KCNJ3: variants seen among roughly 807,000 people sequenced by gnomAD.
The protein encoded by KCNJ3 is potassium inwardly rectifying channel subfamily J member 3, also known as G protein-activated inward rectifier potassium channel 1.
Under a neutral mutation model 39.2 loss-of-function variants are expected in KCNJ3, and 4 were observed. The observed-to-expected ratio is 0.10, with a 90% CI of 0.05 to 0.23. KCNJ3 has a LOEUF of 0.23. Ranked by LOEUF, KCNJ3 falls within the 10% of genes least tolerant of loss-of-function variation. The pLI, the probability that KCNJ3 is intolerant of heterozygous loss-of-function variation, is 1.00. For synonymous variants in KCNJ3, 230 were observed against 237.4 expected (o/e 0.97, Z 0.29); for missense variants, 276 against 634.9 (o/e 0.43, Z 6.08).
chr2:154,786,754 G>GA (rs900102969), intron 2 of KCNJ3, among the ~76,000 whole-genome samples: 11 of 151,726 alleles, frequency 7.2e-5, no homozygotes, highest in South Asian at 4.2e-4. Flanking sequence ...TTAGTTAACT[G>GA]AAAAAAAATC....
intron 2 of KCNJ3, among the ~76,000 whole-genome samples, chr2:154,740,361 A>G (rs545476618): frequency 2.0e-5 from 3 of 152,098 alleles, no homozygotes; most frequent in African/African-American, 7.2e-5. Flanking sequence ...CTCCCATCCC[A>G]CAGACCAGTA....
intron 2 of KCNJ3, among the ~76,000 whole-genome samples, chr2:154,725,674 T>C (rs1052785571): frequency 1.6e-4 from 25 of 152,076 alleles, no homozygotes; most frequent in African/African-American, 5.3e-4. Flanking sequence ...AGAACAAATC[T>C]GGAGGTGTCA....
At chr2:154,726,882 C>T (rs1685369534) in intron 2 of KCNJ3, among the ~76,000 whole-genome samples, 1 of 150,016 alleles carries the variant, frequency 6.7e-6, no homozygotes, top group Non-Finnish European at 1.5e-5. Context: ...AAAATAATGG[C>T]ATTTGCAGCA....
At chr2:154,757,619 T>G (rs781760571) in intron 2 of KCNJ3, among the ~76,000 whole-genome samples, 33 of 152,334 alleles carry the variant, frequency 2.2e-4, no homozygotes, top group Non-Finnish European at 4.6e-4. Context: ...ATCTCTGATT[T>G]TGATGGTGTC....
At chr2:154,799,131 G>A (rs1281861600) in intron 2 of KCNJ3, among the ~76,000 whole-genome samples, 1 of 152,048 alleles carries the variant, frequency 6.6e-6, no homozygotes, top group Admixed American at 6.6e-5. Flanking sequence ...TAAGTTTTTT[G>A]TTTGTTTGTT....
At chr2:154,848,177 C>T (rs1553462704) in intron 2 of KCNJ3, among the ~76,000 whole-genome samples, 2 of 152,036 alleles carry the variant, frequency 1.3e-5, no homozygotes, top group Admixed American at 6.5e-5. Flanking sequence ...TAATATGCTT[C>T]ACTAAGGAAG....
In KCNJ3 at chr2:154,709,779, C is replaced by T. The variant is rs761611671; in HGVS notation, c.879C>T (p.Phe293=). ...LSQRSMQTEQ[F]EIVVILEGIV... is the part of the protein sequence containing the mutation. ...AGCGAAGCATGCAAACTGAACAGTT[C>T]GAGATTGTCGTCATCCTAGAAGGCA... The change falls in exon 2 of 3, where the codon TTC becomes TTT. Residue 293 remains phenylalanine, a synonymous_variant. Transcript: ENST00000295101. The T allele has an allele frequency of 1.9e-5, 30 of 1,613,568 alleles. No individual in the cohort carries two copies. Among genetic ancestry groups the T allele is most frequent in the Non-Finnish European group, 2.3e-5 (27 of 1,179,742 alleles).
At chr2:154,796,474 C>T (rs1178218000) in intron 2 of KCNJ3, among the ~76,000 whole-genome samples, 2 of 151,946 alleles carry the variant, frequency 1.3e-5, no homozygotes, top group African/African-American at 4.8e-5. Context: ...AACACCTGAC[C>T]ACCTTACTAA....
intron 2 of KCNJ3, among the ~76,000 whole-genome samples, chr2:154,744,416 T>C (rs981472408): frequency 6.6e-6 from 1 of 151,860 alleles, no homozygotes; most frequent in Admixed American, 6.6e-5. Context: ...TAATTCTTCC[T>C]TAAATGTTTT....
chr2:154,781,375 G>A (rs1176373872), intron 2 of KCNJ3, among the ~76,000 whole-genome samples: 1 of 152,084 alleles, frequency 6.6e-6, no homozygotes, highest in African/African-American at 2.4e-5. Context: ...CTGCCATCTT[G>A]TGCTCAATTA....
chr2:154,837,231 A>G (rs1048101306), intron 2 of KCNJ3, among the ~76,000 whole-genome samples: 1 of 151,550 alleles, frequency 6.6e-6, no homozygotes, highest in Non-Finnish European at 1.5e-5. Context: ...TTATGACTGA[A>G]TTTGATTTGT....
intron 2 of KCNJ3, among the ~76,000 whole-genome samples, chr2:154,800,388 T>G (rs1423122684): frequency 6.6e-6 from 1 of 152,170 alleles, no homozygotes; most frequent in Non-Finnish European, 1.5e-5. Context: ...TGGACAGTCC[T>G]AGGTAAATTC....
intron 2 of KCNJ3, among the ~76,000 whole-genome samples, chr2:154,758,630 G>A (rs570740897): frequency 6.6e-6 from 1 of 152,200 alleles, no homozygotes; most frequent in East Asian, 1.9e-4. Context: ...ATCCCTAGTT[G>A]GTTGAATCCA....
rs1483769459 is a variant in KCNJ3 at position 154,857,495 on chromosome 2, T to C, written c.*2182T>C. ...GACATGGCTAAGTCAGAGAAGGCCA[T>C]TGCTCACCATGAACACTGTATACCA... On this transcript the variant is annotated 3_prime_UTR_variant, in exon 3 of 3. Coordinates refer to ENST00000295101, the MANE Select transcript of KCNJ3 (RefSeq NM_002239.4). The C allele has an allele frequency of 6.6e-6, 1 of 152,054 alleles. No individual in the cohort carries two copies. Among genetic ancestry groups the C allele is most frequent in the Non-Finnish European group, 1.5e-5 (1 of 68,000 alleles). The allele number at this position is 152,054 out of a possible 1,614,324, so 9.4% of individuals were successfully genotyped here. A position where few individuals can be genotyped will look rare whatever the true frequency, so the allele number is the denominator to read the frequency against.
At chr2:154,742,236 G>A (rs1685666589) in intron 2 of KCNJ3, among the ~76,000 whole-genome samples, 1 of 151,802 alleles carries the variant, frequency 6.6e-6, no homozygotes, top group South Asian at 2.1e-4. Context: ...TTAAGGCTGA[G>A]TAATATTCCA....
chr2:154,722,436 A>G (rs1235190210), intron 2 of KCNJ3, among the ~76,000 whole-genome samples: 1 of 152,190 alleles, frequency 6.6e-6, no homozygotes, highest in African/African-American at 2.4e-5. Context: ...GGAAAAGAAT[A>G]TTATCAAAAG....
chr2:154,803,436 AAC>A (rs1473475851), intron 2 of KCNJ3, among the ~76,000 whole-genome samples: 1 of 151,774 alleles, frequency 6.6e-6, no homozygotes, highest in African/African-American at 2.4e-5. Flanking sequence ...CACACGCACT[AAC>A]ACACAGAAAA....
intron 2 of KCNJ3, among the ~76,000 whole-genome samples, chr2:154,832,889 C>A (rs1687387356): frequency 6.6e-6 from 1 of 152,096 alleles, no homozygotes; most frequent in Non-Finnish European, 1.5e-5. Flanking sequence ...ATAGGTACAA[C>A]AAAACAGATT....
rs921783720 is a variant in KCNJ3 at position 154,783,102 on chromosome 2, C to T, written c.920-71625C>T. Among the ~76,000 whole-genome samples the T allele has an allele frequency of 3.3e-4, 50 of 151,934 alleles. 1 individual carries two copies. Among genetic ancestry groups the T allele is most frequent in the African/African-American group, 2.2e-4 (9 of 41,372 alleles). Reference sequence around the variant, plus strand: ...CTGAGGCAGGAGAATAGCTTGAACCCGGGAGGCGGAGGTTGCGGTGGGCCA... The same window carrying T: ...CTGAGGCAGGAGAATAGCTTGAACCTGGGAGGCGGAGGTTGCGGTGGGCCA... On this transcript the variant is annotated intron_variant, in intron 2 of 2. Coordinates refer to ENST00000295101, the MANE Select transcript of KCNJ3 (RefSeq NM_002239.4).
Sources: gnomAD v4.1 joint callset for allele counts (sites outside exome capture counted in the v4.1 genomes callset) on GRCh38, gnomAD v4.1.1 for gene constraint, MANE v1.5 for transcripts, NCBI Gene and HGNC (gene_info 2026-07-23, HGNC 2026-07-21) for gene names.